EPM2A: variants seen among roughly 807,000 people sequenced by gnomAD.
EPM2A encodes the protein EPM2A glucan phosphatase, laforin.
A neutral mutation model predicts 26.5 loss-of-function variants in EPM2A; 21 were observed. That is an observed-to-expected ratio of 0.79 (90% CI 0.56 to 1.14). The LOEUF (loss-of-function observed/expected upper bound fraction) is 1.14. Among genes scored for constraint, EPM2A ranks in the 50% most tolerant of loss-of-function variants. The pLI, the probability that EPM2A is intolerant of heterozygous loss-of-function variation, is 0.00. For synonymous variants in EPM2A, 217 were observed against 177.6 expected (o/e 1.22, Z -1.76); for missense variants, 458 against 440.8 (o/e 1.04, Z -0.35).
At chr6:145,577,416 G>A (rs1781046947) in intron 2 of EPM2A, among the ~76,000 whole-genome samples, 1 of 149,444 alleles carries the variant, frequency 6.7e-6, no homozygotes, top group Non-Finnish European at 1.5e-5. Flanking sequence ...AGATAAAATA[G>A]ATTTCAAGAC....
chr6:145,482,153 G>A lies in EPM2A; in HGVS notation c.555+20369C>T, dbSNP rs370407068. ...CATTTTCTCCTGAAAAATAAAAGCA[G>A]TGCAGAATTTGCAAATGATAATTTC... On this transcript the variant is annotated intron_variant, in intron 4 of 4. Coordinates refer to the EPM2A transcript ENST00000638717. Among the ~76,000 whole-genome samples, 13 of 152,274 alleles carry A rather than the reference G, an allele frequency of 8.5e-5. No homozygotes were observed. The South Asian group carries it at 2.7e-3, about 32-fold the overall frequency.
intron 4 of EPM2A, among the ~76,000 whole-genome samples, chr6:145,470,393 G>A (rs1162652842): frequency 6.6e-6 from 1 of 152,080 alleles, no homozygotes; most frequent in East Asian, 1.9e-4. Context: ...CATGCTGTAT[G>A]TAGTCCAAAA....
rs1351374546 is a variant in EPM2A at position 145,524,791 on chromosome 6, CTT to C, written c.341-22218_341-22217del. Among the ~76,000 whole-genome samples, 6 of 152,134 alleles carry C rather than the reference CTT, an allele frequency of 3.9e-5. No homozygotes were observed. In the East Asian group the frequency reaches 1.2e-3, roughly 29 times the overall value. On this transcript the variant is annotated intron_variant, in intron 2 of 3. Transcript: ENST00000450221. ...AGTTTAATTAGGCACTACTTGCTGA[CTT>C]TAGTTTTTGTTGCAGTTGTTTTTTA...
chr6:145,606,054 T>A (rs1582891641), intron 2 of EPM2A, among the ~76,000 whole-genome samples: 2 of 152,244 alleles, frequency 1.3e-5, no homozygotes, highest in East Asian at 3.9e-4. Flanking sequence ...CAATTGGTAA[T>A]TCCCTTAGCA....
At chr6:145,693,077 C>T (rs1357770493) in intron 1 of EPM2A, among the ~76,000 whole-genome samples, 2 of 151,940 alleles carry the variant, frequency 1.3e-5, no homozygotes, top group Admixed American at 6.6e-5. Context: ...TTTGTGTCAT[C>T]CCTGACTCCT....
At position 145,647,613 on chromosome 6, in the gene EPM2A, A is replaced by G. The variant is rs1777573926; in HGVS notation, c.477-12127T>C. Among the ~76,000 whole-genome samples the G allele has an allele frequency of 4.6e-5, 7 of 152,278 alleles. No homozygotes were observed. The South Asian group carries it at 1.4e-3, about 32-fold the overall frequency. The stretch of plus-strand genomic sequence containing the variant: ...ACAAGGATGCTATCTTATTCCTTAC[A>G]GTACCCACGGCACTTAACATTGCAT... On this transcript the variant is annotated intron_variant, in intron 2 of 3. Transcript: ENST00000367519.
rs1780327070 is a variant in EPM2A, at chr6:145,679,372, A to G, written c.476+6750T>C. ...ATGTATACCTATGTAACAAACCTGC[A>G]TGTTGTGAACATGTACCCTAGAACT... On this transcript the variant is annotated intron_variant, in intron 2 of 3. Transcript: ENST00000367519. Among the ~76,000 whole-genome samples, 3 of 152,120 alleles carry G rather than the reference A, an allele frequency of 2.0e-5. No individual in the cohort carries two copies. The South Asian group carries it at 6.2e-4, about 32-fold the overall frequency.
chr6:145,708,612 T>C (rs971185169), intron 1 of EPM2A, among the ~76,000 whole-genome samples: 12 of 152,198 alleles, frequency 7.9e-5, no homozygotes, highest in Non-Finnish European at 1.6e-4. Flanking sequence ...AACCTCCACC[T>C]AGATTTCAGA....
chr6:145,467,947 T>C (rs1779421228), intron 4 of EPM2A, among the ~76,000 whole-genome samples: 1 of 152,120 alleles, frequency 6.6e-6, no homozygotes, highest in Non-Finnish European at 1.5e-5. Flanking sequence ...TTAGTTTTAA[T>C]AGTTTTTTTC....
chr6:145,490,934 G>T, intron 4 of EPM2A: 1 of 771,530 alleles, frequency 1.3e-6, no homozygotes, highest in Non-Finnish European at 2.2e-6. Context: ...TGTGTTCTGT[G>T]TGTACTTTAT....
exon 4 of EPM2A, chr6:145,501,712 T>G: frequency 2.2e-6 from 1 of 459,592 alleles, no homozygotes; most frequent in Non-Finnish European, 4.5e-6. Flanking sequence ...TATTCAATGC[T>G]TATGAAATTT....
intron 4 of EPM2A, among the ~76,000 whole-genome samples, chr6:145,433,530 T>C (rs900721634): frequency 2.6e-5 from 4 of 152,292 alleles, no homozygotes; most frequent in African/African-American, 9.6e-5. Flanking sequence ...GTTATAAATG[T>C]TTGTTATTTT....
intron 2 of EPM2A, among the ~76,000 whole-genome samples, chr6:145,586,945 G>C (rs1343569867): frequency 6.6e-6 from 1 of 152,068 alleles, no homozygotes; most frequent in African/African-American, 2.4e-5. Context: ...CAACCTGATG[G>C]CAATGTTACC....
intron 2 of EPM2A, among the ~76,000 whole-genome samples, chr6:145,531,950 C>T (rs1338214841): frequency 6.6e-6 from 1 of 152,168 alleles, no homozygotes; most frequent in African/African-American, 2.4e-5. Flanking sequence ...CCCTTCCCAG[C>T]TTCTAACAAT....
chr6:145,732,201 T>TTG (rs66889564), intron 1 of EPM2A, among the ~76,000 whole-genome samples: 6,250 of 138,434 alleles, frequency 0.045, 429 homozygotes, highest in African/African-American at 0.15. Flanking sequence ...CAGCTAAGAC[T>TTG]TGTGTGTGTG....
At chr6:145,541,973 A>T (rs970172587) in intron 2 of EPM2A, among the ~76,000 whole-genome samples, 2 of 148,294 alleles carry the variant, frequency 1.3e-5, no homozygotes, top group South Asian at 2.1e-4. Flanking sequence ...GATGATGCTT[A>T]AAAAAAAAAG....
At chr6:145,523,607 GT>G (rs1780232404) in intron 2 of EPM2A, among the ~76,000 whole-genome samples, 1 of 152,132 alleles carries the variant, frequency 6.6e-6, no homozygotes, top group Non-Finnish European at 1.5e-5. Flanking sequence ...ACATACATGT[GT>G]TCTGACTACT....
At chr6:145,415,435 T>A (rs972026775) in intron 4 of EPM2A, among the ~76,000 whole-genome samples, 1 of 152,220 alleles carries the variant, frequency 6.6e-6, no homozygotes, top group African/African-American at 2.4e-5. Flanking sequence ...CTAACATAAT[T>A]TTTCCCTGAA....
At chr6:145,734,344 C>A (rs998061931) in intron 1 of EPM2A, among the ~76,000 whole-genome samples, 4 of 151,438 alleles carry the variant, frequency 2.6e-5, no homozygotes, top group Admixed American at 1.3e-4. Flanking sequence ...AATTACTATA[C>A]AATTTTTGTA....
Sources: gnomAD v4.1 joint callset for allele counts (sites outside exome capture counted in the v4.1 genomes callset) on GRCh38, gnomAD v4.1.1 for gene constraint, MANE v1.5 for transcripts, NCBI Gene and HGNC (gene_info 2026-07-23, HGNC 2026-07-21) for gene names.